The following THSD7B variants were observed in gnomAD, a reference collection of about 807,000 sequenced individuals.
THSD7B encodes the protein thrombospondin type 1 domain containing 7B.
In THSD7B, 138 loss-of-function variants were observed where a neutral mutation model predicts 213.6. The observed-to-expected ratio is 0.65, with a 90% confidence interval of 0.56 to 0.74. THSD7B has a LOEUF of 0.74. Among genes scored for constraint, THSD7B ranks in the 30% least tolerant of loss-of-function variants. The pLI, the probability that THSD7B is intolerant of heterozygous loss-of-function variation, is 0.00. For missense variants in THSD7B, 1,931 were observed against 1,991.5 expected (o/e 0.97, Z 0.58); for synonymous variants, 742 against 687.0 (o/e 1.08, Z -1.25).
Position 137,621,135 on chromosome 2 carries a change from G to T in THSD7B, c.3799+409G>T, listed in dbSNP as rs1342976723. On this transcript the variant is annotated intron_variant, in intron 20 of 27. Coordinates refer to ENST00000409968, the MANE Select transcript of THSD7B (RefSeq NM_001316349.2). The stretch of plus-strand genomic sequence containing the variant: ...CTTGCTTTTCACCCACATAAAGAGA[G>T]GGCTTTATGCTTCAAAATGTAAATC... 2.0e-5 allele frequency among the ~76,000 whole-genome samples: 3 copies of T among 152,158 alleles called. No homozygotes were observed. In the South Asian group the frequency reaches 6.2e-4, roughly 32 times the overall value.
At chr2:137,519,425 T>A (rs892533469) in intron 15 of THSD7B, among the ~76,000 whole-genome samples, 5 of 152,208 alleles carry the variant, frequency 3.3e-5, no homozygotes, top group South Asian at 2.1e-4. Context: ...GAGCAAGAGC[T>A]GTTGTTCCTT....
intron 12 of THSD7B, among the ~76,000 whole-genome samples, chr2:137,322,055 C>T (rs1684273950): frequency 6.6e-6 from 1 of 152,188 alleles, no homozygotes; most frequent in African/African-American, 2.4e-5. Flanking sequence ...TTGGATTAAG[C>T]AGAGTTTTAA....
intron 14 of THSD7B, among the ~76,000 whole-genome samples, chr2:137,412,759 G>A (rs1686694980): frequency 6.6e-6 from 1 of 151,862 alleles, no homozygotes; most frequent in Admixed American, 6.6e-5. Context: ...CCTTAATTGG[G>A]AGAATTTGAA....
chr2:137,292,466 C>A (rs1350145190), intron 12 of THSD7B, among the ~76,000 whole-genome samples: 1 of 152,042 alleles, frequency 6.6e-6, no homozygotes, highest in Non-Finnish European at 1.5e-5. Context: ...TTAGCAACTG[C>A]CCTTGGAAGC....
At chr2:137,638,176 A>ATATGGTTTGGCTGT (rs1453509267) in intron 20 of THSD7B, among the ~76,000 whole-genome samples, 2 of 152,152 alleles carry the variant, frequency 1.3e-5, no homozygotes, top group Non-Finnish European at 2.9e-5. Context: ...TTTACCGCTG[A>ATATGGTTTGGCTGT]TATGGTTTGG....
chr2:136,987,574 G>A (rs926975105), intron 2 of THSD7B, among the ~76,000 whole-genome samples: 4 of 152,104 alleles, frequency 2.6e-5, no homozygotes, highest in Admixed American at 2.6e-4. Context: ...AGACAGAGAA[G>A]GGCCAGAATA....
chr2:137,096,089 G>C (rs1287347698), intron 4 of THSD7B, among the ~76,000 whole-genome samples: 1 of 152,078 alleles, frequency 6.6e-6, no homozygotes, highest in African/African-American at 2.4e-5. Context: ...TAGGTTGTTG[G>C]CTCACAGTGG....
chr2:137,065,070 C>G (rs1239182916), intron 3 of THSD7B, among the ~76,000 whole-genome samples: 3 of 151,466 alleles, frequency 2.0e-5, no homozygotes, highest in African/African-American at 7.3e-5. Context: ...TTGATATTTT[C>G]ATAGGGATTG....
At chr2:136,826,351 G>A (rs1280125436) in intron 1 of THSD7B, among the ~76,000 whole-genome samples, 1 of 152,160 alleles carries the variant, frequency 6.6e-6, no homozygotes, top group Non-Finnish European at 1.5e-5. Context: ...TAAACTGTAA[G>A]CACCTTGAAG....
chr2:137,494,445 A>G (rs1298792437), intron 15 of THSD7B, among the ~76,000 whole-genome samples: 1 of 152,064 alleles, frequency 6.6e-6, no homozygotes, highest in Non-Finnish European at 1.5e-5. Flanking sequence ...GAAAAAAAGA[A>G]ATAAAGATGA....
intron 14 of THSD7B, among the ~76,000 whole-genome samples, chr2:137,434,330 G>A (rs1053890640): frequency 1.3e-5 from 2 of 152,140 alleles, no homozygotes; most frequent in African/African-American, 4.8e-5. Context: ...CTCTCTCTGA[G>A]TGATCTAAAG....
intron 14 of THSD7B, among the ~76,000 whole-genome samples, chr2:137,431,680 A>G (rs1254376133): frequency 6.6e-6 from 1 of 152,188 alleles, no homozygotes; most frequent in African/African-American, 2.4e-5. Flanking sequence ...TGGTTTGTAG[A>G]TTATGACACC....
chr2:137,579,392 T>C (rs955361894), intron 17 of THSD7B, among the ~76,000 whole-genome samples: 5 of 152,194 alleles, frequency 3.3e-5, no homozygotes, highest in African/African-American at 4.8e-5. Flanking sequence ...AGCAGGCCCT[T>C]TGGACTGGAA....
chr2:137,389,194 A>ATATATG, intron 12 of THSD7B, among the ~76,000 whole-genome samples: 1 of 1,896 alleles, frequency 5.3e-4, no homozygotes, highest in East Asian at 0.17. Context: ...TATATCTGTC[A>ATATATG]TATATATATA....
chr2:137,589,456 A>G (rs6716033), intron 17 of THSD7B, among the ~76,000 whole-genome samples: 32,885 of 152,028 alleles, frequency 0.22, 3,714 homozygotes, highest in Middle Eastern at 0.32. Flanking sequence ...CTTTCCTTAC[A>G]TATAGTTGTG....
chr2:137,408,555 G>A (rs968741817), intron 13 of THSD7B, among the ~76,000 whole-genome samples: 5 of 152,114 alleles, frequency 3.3e-5, no homozygotes, highest in African/African-American at 1.2e-4. Flanking sequence ...TGTATTGGGA[G>A]CGGTATTCAA....
At chr2:136,794,581 G>A (rs1227612577) in intron 1 of THSD7B, among the ~76,000 whole-genome samples, 2 of 151,816 alleles carry the variant, frequency 1.3e-5, no homozygotes, top group South Asian at 2.1e-4. Flanking sequence ...TCAATCCCTT[G>A]AGATTCATTG....
At chr2:137,425,137 A>G (rs1399052588) in intron 14 of THSD7B, among the ~76,000 whole-genome samples, 1 of 151,016 alleles carries the variant, frequency 6.6e-6, no homozygotes, top group East Asian at 1.9e-4. Flanking sequence ...TCAAATAGAA[A>G]CCATATTCTA....
intron 3 of THSD7B, among the ~76,000 whole-genome samples, chr2:137,077,890 A>C: frequency 6.6e-6 from 1 of 152,116 alleles, no homozygotes; most frequent in Non-Finnish European, 1.5e-5. Context: ...TTAGACATGA[A>C]GTCCTTGTCC....
Sources: gnomAD v4.1 joint callset for allele counts (sites outside exome capture counted in the v4.1 genomes callset) on GRCh38, gnomAD v4.1.1 for gene constraint, MANE v1.5 for transcripts, NCBI Gene and HGNC (gene_info 2026-07-23, HGNC 2026-07-21) for gene names.